The following RASD2 variants were observed in gnomAD, a reference collection of about 807,000 sequenced individuals.
RASD2 encodes RASD family member 2.
A neutral mutation model predicts 15.8 loss-of-function variants in RASD2; 7 were observed. The observed-to-expected ratio is 0.44, with a 90% confidence interval of 0.25 to 0.83. RASD2 has a LOEUF of 0.83. Ranked by LOEUF, RASD2 falls within the 40% of genes least tolerant of loss-of-function variation. RASD2 has a pLI of 0.20. For missense variants in RASD2, 274 were observed against 382.8 expected (o/e 0.72, Z 2.37); for synonymous variants, 155 against 153.6 (o/e 1.01, Z -0.07).
At chr22:35,533,943 G>A in the RASD2 span, among the ~76,000 whole-genome samples, 1 of 151,746 alleles carries the variant, frequency 6.6e-6, no homozygotes, top group African/African-American at 2.4e-5. Flanking sequence ...GATGATGATG[G>A]TGATGATGAC....
chr22:35,541,518 A>T lies in RASD2; in HGVS notation c.-10+18A>T, dbSNP rs1319704661. On this transcript the variant is annotated intron_variant, in intron 1 of 2. Transcript: ENST00000216127. ...ATTCCCAGGTAGGAGACGCCCCAAC[A>T]GAGCTGGGCATCTGGGGGAAGTGGA... 6.6e-6 allele frequency: 1 copy of T among 152,214 alleles called. No homozygotes were observed. The highest frequency in any genetic ancestry group is 1.5e-5 in the Non-Finnish European group (1 of 68,068). 9.4% of individuals were successfully genotyped at this position (152,214 alleles called of 1,614,324 possible).
In RASD2 at chr22:35,547,849, C is replaced by G. The variant is rs538455568; in HGVS notation, c.271+769C>G. Reference sequence around the variant, plus strand: ...CAGGATGGTCTCGATCTCCTGACCTCGTGATCTGCCTACCTCAGCCTCCCA... The same window carrying G: ...CAGGATGGTCTCGATCTCCTGACCTGGTGATCTGCCTACCTCAGCCTCCCA... On this transcript the variant is annotated intron_variant, in intron 2 of 2. Coordinates refer to ENST00000216127, the MANE Select transcript of RASD2 (RefSeq NM_014310.4). 1.6e-4 allele frequency among the ~76,000 whole-genome samples: 24 copies of G among 152,298 alleles called. No individual in the cohort carries two copies. In the South Asian group the frequency reaches 3.9e-3, roughly 25 times the overall value.
chr22:35,536,822 T>G (rs1164811036), upstream of RASD2, among the ~76,000 whole-genome samples: 1 of 37,000 alleles, frequency 2.7e-5, no homozygotes, highest in Non-Finnish European at 6.7e-5. Flanking sequence ...GATTCTGCAT[T>G]TCCAAGTCCC....
chr22:35,551,847 G>C lies in RASD2; in HGVS notation c.616G>C (p.Val206Leu). 1 of 1,613,898 alleles carries C rather than the reference G, an allele frequency of 6.2e-7. No homozygotes were observed. The highest frequency in any genetic ancestry group is 8.5e-7 in the Non-Finnish European group (1 of 1,180,010). The stretch of plus-strand genomic sequence containing the variant: ...CCCCGCCCTGCATCGCAAGATCTCC[G>C]TGCAGTACGGTGACGCCTTCCACCC... ...MSPALHRKIS[V>L]QYGDAFHPRP... Residue 206 changes from valine (V) to leucine (L), a missense_variant, in exon 3 of 3, where the codon GTG becomes CTG. Physicochemically the swap from Val to Leu is conservative, Grantham distance 32. Coordinates refer to ENST00000216127, the MANE Select transcript of RASD2 (RefSeq NM_014310.4). This position sits in a 1 kb window ranked among gnomAD's most constrained non-coding sequence, Gnocchi z 4.9.
intron 1 of RASD2, 40 bp from the exon 2 acceptor site, chr22:35,546,761 C>CG (rs768649335): frequency 3.2e-5 from 51 of 1,590,000 alleles, no homozygotes; most frequent in South Asian, 5.8e-5. Context: ...GGGGCCAGGT[C>CG]GGGGGGGCCC....
upstream of RASD2, among the ~76,000 whole-genome samples, chr22:35,539,444 G>A (rs1421223511): frequency 1.3e-5 from 2 of 152,154 alleles, no homozygotes; most frequent in East Asian, 3.8e-4. Flanking sequence ...TGGAACTGAG[G>A]GACACAGACA....
chr22:35,541,791 G>A (rs1934354482), intron 1 of RASD2, among the ~76,000 whole-genome samples: 1 of 152,168 alleles, frequency 6.6e-6, no homozygotes, highest in Admixed American at 6.5e-5. Context: ...GGTGCCACAG[G>A]CTTTGCATTT....
chr22:35,551,499 G>T lies in RASD2; in HGVS notation c.272-4G>T, dbSNP rs1934662505. On this transcript the variant is annotated splice_region_variant and splice_polypyrimidine_tract_variant and intron_variant, in intron 2 of 2. Coordinates refer to ENST00000216127, the MANE Select transcript of RASD2 (RefSeq NM_014310.4). This position sits in a 1 kb window ranked among gnomAD's most constrained non-coding sequence, Gnocchi z 4.9. ...AACTCACTACCTGGGCTCTCTCCCTGCAGGGGATGTCTTCATCCTGGTGTT... is the reference window on the plus strand; with the variant it reads ...AACTCACTACCTGGGCTCTCTCCCTTCAGGGGATGTCTTCATCCTGGTGTT... The T allele has an allele frequency of 2.5e-6, 4 of 1,604,988 alleles. No individual in the cohort carries two copies. The highest frequency in any genetic ancestry group is 1.1e-5 in the South Asian group (1 of 90,880).
chr22:35,535,525 G>C, the RASD2 span, among the ~76,000 whole-genome samples: 1 of 152,196 alleles, frequency 6.6e-6, no homozygotes, highest in Non-Finnish European at 1.5e-5. Flanking sequence ...CAGACAGTGA[G>C]GGTTGAATCC....
At chr22:35,548,452 C>A (rs896862665) in intron 2 of RASD2, among the ~76,000 whole-genome samples, 1 of 152,224 alleles carries the variant, frequency 6.6e-6, no homozygotes, top group Non-Finnish European at 1.5e-5. Flanking sequence ...ACGGGTTACA[C>A]GATCATTTCC....
the RASD2 span, among the ~76,000 whole-genome samples, chr22:35,535,404 CA>C: frequency 1.0e-4 from 14 of 135,210 alleles, no homozygotes; most frequent in East Asian, 4.4e-4. Context: ...ACCCTGTCTC[CA>C]AAAAAAAAAG....
At position 35,551,864 on chromosome 22, in the gene RASD2, C is replaced by T; in HGVS notation, c.633C>T (p.Ala211=). Residue 211 remains alanine, a synonymous_variant, in exon 3 of 3, where the codon GCC becomes GCT. Coordinates refer to ENST00000216127, the MANE Select transcript of RASD2 (RefSeq NM_014310.4). The surrounding 1 kb of genome is among the most constrained non-coding windows in gnomAD (Gnocchi z 4.9). The stretch of plus-strand genomic sequence containing the variant: ...AGATCTCCGTGCAGTACGGTGACGC[C>T]TTCCACCCCAGGCCCTTCTGCATGC... ...HRKISVQYGD[A]FHPRPFCMRR... 6.2e-7 allele frequency: 1 copy of T among 1,614,026 alleles called. No homozygotes were observed. The highest frequency in any genetic ancestry group is 8.5e-7 in the Non-Finnish European group (1 of 1,180,032).
At chr22:35,547,905 C>T (rs961222824) in intron 2 of RASD2, among the ~76,000 whole-genome samples, 13 of 152,208 alleles carry the variant, frequency 8.5e-5, no homozygotes, top group African/African-American at 2.7e-4. Flanking sequence ...TCAGCCACCG[C>T]GGCCAGCCAG....
rs538250715 is a variant in RASD2, at chr22:35,552,665, T to G, written c.*633T>G. On this transcript the variant is annotated 3_prime_UTR_variant, in exon 3 of 3. Coordinates refer to ENST00000216127, the MANE Select transcript of RASD2 (RefSeq NM_014310.4). ...CACCACTTAGACCACGCCCACCTCCTGACCGCGTTCCTCAGCCTCCTCTCC... is the reference window on the plus strand; with the variant it reads ...CACCACTTAGACCACGCCCACCTCCGGACCGCGTTCCTCAGCCTCCTCTCC... The G allele has an allele frequency of 6.5e-6, 1 of 153,222 alleles. No homozygotes were observed. The highest frequency in any genetic ancestry group is 2.4e-5 in the African/African-American group (1 of 41,446). The allele number at this position is 153,222 out of a possible 1,614,324, so 9.5% of individuals were successfully genotyped here.
upstream of RASD2, among the ~76,000 whole-genome samples, chr22:35,537,311 G>A (rs985989138): frequency 1.3e-5 from 2 of 152,148 alleles, no homozygotes; most frequent in African/African-American, 4.8e-5. Flanking sequence ...AATTCAATAA[G>A]CATTTATTAA....
At chr22:35,547,657 C>G (rs894850847) in intron 2 of RASD2, among the ~76,000 whole-genome samples, 1 of 152,230 alleles carries the variant, frequency 6.6e-6, no homozygotes, top group Non-Finnish European at 1.5e-5. Context: ...CTCTGTCACC[C>G]AGGCTGGAGT....
intron 1 of RASD2, among the ~76,000 whole-genome samples, chr22:35,545,530 C>T (rs1039284483): frequency 6.6e-6 from 1 of 152,314 alleles, no homozygotes; most frequent in East Asian, 1.9e-4. Context: ...ATCCAACCTG[C>T]ACAACCTGTG....
At chr22:35,535,318 C>T in the RASD2 span, among the ~76,000 whole-genome samples, 3 of 151,306 alleles carry the variant, frequency 2.0e-5, no homozygotes, top group East Asian at 1.9e-4. Flanking sequence ...GTGGGAGGAT[C>T]GCTTGAGCCC....
chr22:35,541,712 T>C (rs1307385596), intron 1 of RASD2, among the ~76,000 whole-genome samples: 2 of 152,236 alleles, frequency 1.3e-5, no homozygotes, highest in African/African-American at 4.8e-5. Flanking sequence ...TGTGTCAAAC[T>C]GAGTGCTATA....
Sources: allele counts gnomAD v4.1 joint callset (sites outside exome capture counted in the v4.1 genomes callset), GRCh38; gene constraint gnomAD v4.1.1; non-coding constraint Gnocchi (gnomAD v3.1); transcripts MANE v1.5; gene names NCBI Gene and HGNC (gene_info 2026-07-23, HGNC 2026-07-21).